PIEZO2: variants seen among roughly 807,000 people sequenced by gnomAD.
PIEZO2 encodes the protein piezo type mechanosensitive ion channel component 2.
In PIEZO2, 172 loss-of-function variants were observed where a neutral mutation model predicts 337.3. That is an observed-to-expected ratio of 0.51 (90% CI 0.45 to 0.58). PIEZO2 has a LOEUF of 0.58. Among genes scored for constraint, PIEZO2 ranks in the 20% least tolerant of loss-of-function variants. The pLI is 0.00. For synonymous variants in PIEZO2, 1,251 were observed against 1,228.5 expected (o/e 1.02, Z -0.38); for missense variants, 3,028 against 3,391.3 (o/e 0.89, Z 2.66).
chr18:10,965,200 A>T (rs1229283156), intron 3 of PIEZO2, among the ~76,000 whole-genome samples: 1 of 152,188 alleles, frequency 6.6e-6, no homozygotes, highest in African/African-American at 2.4e-5. Context: ...AATTTTTTGA[A>T]GAACCACCAA....
rs1249000063 is a variant in PIEZO2 at position 10,787,140 on chromosome 18, C to T, written c.2214G>A (p.Met738Ile). 1.3e-6 allele frequency: 2 copies of T among 1,533,726 alleles called. No homozygotes were observed. The highest frequency in any genetic ancestry group is 1.7e-6 in the Non-Finnish European group (2 of 1,145,706). Residue 738 changes from methionine (M) to isoleucine (I), a missense_variant, in exon 16 of 56, where the codon ATG becomes ATA. Coordinates refer to ENST00000674853, the MANE Select transcript of PIEZO2 (RefSeq NM_001378183.1). ...CCAGCATAGTGTAAATAACCACTGACATCCAAAAATATTTTAGAATTTTCC... is the reference window on the plus strand; with the variant it reads ...CCAGCATAGTGTAAATAACCACTGATATCCAAAAATATTTTAGAATTTTCC... ...WWRKILKYFW[M>I]SVVIYTMLVL...
In PIEZO2 at chr18:10,980,357, T is replaced by TA. The variant is rs200930999; in HGVS notation, c.161-698dup. Among the ~76,000 whole-genome samples the TA allele has an allele frequency of 6.8e-4, 101 of 149,436 alleles. No homozygotes were observed. Among genetic ancestry groups the TA allele is most frequent in the South Asian group, 1.3e-3 (6 of 4,732 alleles). On this transcript the variant is annotated intron_variant, in intron 2 of 55. Coordinates refer to ENST00000674853, the MANE Select transcript of PIEZO2 (RefSeq NM_001378183.1). This position sits in a 1 kb window ranked among gnomAD's most constrained non-coding sequence, Gnocchi z 4.8. ...AACCTAGTTATAATTTTTAAAAACA[T>TA]AAAAAAAAAGGAATGGAAGGAAACA... is the stretch of plus-strand genomic sequence containing the variant.
At chr18:10,704,682 CT>C (rs1310424509) in intron 41 of PIEZO2, 30 bp from the exon 42 acceptor site, 3 of 1,523,128 alleles carry the variant, frequency 2.0e-6, no homozygotes, top group Non-Finnish European at 2.6e-6. Context: ...GATAATATGT[CT>C]ATTTTTTTTC....
chr18:10,711,433 G>A (rs1356651888), intron 39 of PIEZO2, among the ~76,000 whole-genome samples: 3 of 152,100 alleles, frequency 2.0e-5, no homozygotes, highest in Middle Eastern at 6.8e-3. Flanking sequence ...CCTTGAGATT[G>A]TATGAAAAAA....
chr18:10,689,359 G>T (rs971908162), intron 49 of PIEZO2, among the ~76,000 whole-genome samples: 2 of 152,084 alleles, frequency 1.3e-5, no homozygotes, highest in Non-Finnish European at 2.9e-5. Flanking sequence ...ATTCCTTTCT[G>T]CTCCCAAAGG....
rs1020725267 is a variant in PIEZO2 at position 10,962,395 on chromosome 18, A to G, written c.286+17140T>C. The stretch of plus-strand genomic sequence containing the variant: ...GGCATTTTCCTTCCACACTTTCTCA[A>G]TTGTCCCTTAACACTCCTGTGAGGG... On this transcript the variant is annotated intron_variant, in intron 3 of 55. Transcript: ENST00000674853. The surrounding 1 kb of genome is among the most constrained non-coding windows in gnomAD (Gnocchi z 4.1). Among the ~76,000 whole-genome samples, 11 of 151,870 alleles carry G rather than the reference A, an allele frequency of 7.2e-5. No individual in the cohort carries two copies. Among genetic ancestry groups the G allele is most frequent in the Non-Finnish European group, 1.6e-4 (11 of 67,984 alleles).
intron 24 of PIEZO2, among the ~76,000 whole-genome samples, chr18:10,760,163 T>G (rs538497063): frequency 6.6e-6 from 1 of 152,348 alleles, no homozygotes; most frequent in South Asian, 2.1e-4. Context: ...GAACAGCCAT[T>G]TTGATCTCCT....
Position 11,033,783 on chromosome 18 carries a change from G to C in PIEZO2, c.160+32344C>G, listed in dbSNP as rs1454232533. 6.6e-6 allele frequency among the ~76,000 whole-genome samples: 1 copy of C among 152,034 alleles called. No individual in the cohort carries two copies. Among genetic ancestry groups the C allele is most frequent in the Non-Finnish European group, 1.5e-5 (1 of 67,998 alleles). On this transcript the variant is annotated intron_variant, in intron 2 of 55. Coordinates refer to ENST00000674853, the MANE Select transcript of PIEZO2 (RefSeq NM_001378183.1). The surrounding 1 kb of genome is among the most constrained non-coding windows in gnomAD (Gnocchi z 4.2). ...AAAATTTGATTTAAAATTGGTATCC[G>C]ACCGAACAAGCTTGGGATGCTCAAC...
intron 36 of PIEZO2, 60 bp downstream of exon 36, chr18:10,731,347 G>A (rs1598410614): frequency 3.4e-6 from 4 of 1,176,946 alleles, no homozygotes; most frequent in Non-Finnish European, 4.8e-6. Context: ...TGCAGACAAG[G>A]CTGGGGAGCA....
At chr18:10,692,016 T>A (rs1201385143) in intron 47 of PIEZO2, among the ~76,000 whole-genome samples, 1 of 151,904 alleles carries the variant, frequency 6.6e-6, no homozygotes, top group Non-Finnish European at 1.5e-5. Context: ...TGATAATTCT[T>A]CCTAGTTCTG....
chr18:10,852,042 C>G (rs2041569115), intron 7 of PIEZO2, among the ~76,000 whole-genome samples: 1 of 152,124 alleles, frequency 6.6e-6, no homozygotes. Context: ...CTCTAAAAGG[C>G]AGTTCTTTCA....
chr18:10,839,530 T>A (rs2041125433), intron 7 of PIEZO2, among the ~76,000 whole-genome samples: 1 of 152,158 alleles, frequency 6.6e-6, no homozygotes, highest in Non-Finnish European at 1.5e-5. Context: ...GTCAAGCTTT[T>A]CCTCCCATAG....
intron 7 of PIEZO2, among the ~76,000 whole-genome samples, chr18:10,826,975 G>T (rs969433403): frequency 6.6e-6 from 1 of 152,016 alleles, no homozygotes; most frequent in Non-Finnish European, 1.5e-5. Flanking sequence ...TCAAAGGTTG[G>T]ATTTTTCACT....
At chr18:10,725,677 T>C (rs1206146480) in intron 36 of PIEZO2, among the ~76,000 whole-genome samples, 1 of 152,186 alleles carries the variant, frequency 6.6e-6, no homozygotes, top group Non-Finnish European at 1.5e-5. Context: ...CTTCATCTCT[T>C]GGTCCTTTCG....
rs960957235 is a variant in PIEZO2, at chr18:11,038,407, C to T, written c.160+27720G>A. Among the ~76,000 whole-genome samples the T allele has an allele frequency of 6.6e-6, 1 of 152,098 alleles. No homozygotes were observed. Among genetic ancestry groups the T allele is most frequent in the Non-Finnish European group, 1.5e-5 (1 of 68,006 alleles). On this transcript the variant is annotated intron_variant, in intron 2 of 55. Coordinates refer to ENST00000674853, the MANE Select transcript of PIEZO2 (RefSeq NM_001378183.1). The surrounding 1 kb of genome is among the most constrained non-coding windows in gnomAD (Gnocchi z 4.1). ...ACAGGAAATTAAAAGGTAACCATTC[C>T]CATGCCAAGTGTAAGCCGGAGGCCC...
rs565738468 is a variant in PIEZO2 at position 10,888,435 on chromosome 18, T to C, written c.330-17020A>G. 5.4e-4 allele frequency among the ~76,000 whole-genome samples: 82 copies of C among 152,238 alleles called. No individual in the cohort carries two copies. Among genetic ancestry groups the C allele is most frequent in the African/African-American group, 1.9e-3 (81 of 41,542 alleles). On this transcript the variant is annotated intron_variant, in intron 4 of 55. Transcript: ENST00000674853. This position sits in a 1 kb window ranked among gnomAD's most constrained non-coding sequence, Gnocchi z 4.1. ...AGCCTTTCTACTCTCTGGGCTCCAT[T>C]CCTTCAGAAAGCCCTATTTTCTTTT...
chr18:10,936,960 G>A (rs971784496), intron 3 of PIEZO2, among the ~76,000 whole-genome samples: 2 of 152,044 alleles, frequency 1.3e-5, no homozygotes, highest in African/African-American at 4.8e-5. Context: ...CTTCCCTTAC[G>A]GTCCTGGAGA....
intron 7 of PIEZO2, among the ~76,000 whole-genome samples, chr18:10,809,230 A>C (rs1478196761): frequency 6.7e-6 from 1 of 148,746 alleles, no homozygotes; most frequent in Non-Finnish European, 1.5e-5. Context: ...TGCAAATACT[A>C]TAAAACCTAA....
rs942847264 is a variant in PIEZO2 at position 10,899,600 on chromosome 18, C to T, written c.329+11586G>A. 6.6e-6 allele frequency among the ~76,000 whole-genome samples: 1 copy of T among 152,094 alleles called. No homozygotes were observed. The highest frequency in any genetic ancestry group is 1.5e-5 in the Non-Finnish European group (1 of 68,018). On this transcript the variant is annotated intron_variant, in intron 4 of 55. Transcript: ENST00000674853. This position sits in a 1 kb window ranked among gnomAD's most constrained non-coding sequence, Gnocchi z 4.6. ...TGCAGAACAAATAAGAAATATGAAG[C>T]CTTCTCTTGTAGCTGCCTATTAGCA...
Sources: allele counts gnomAD v4.1 joint callset (sites outside exome capture counted in the v4.1 genomes callset), GRCh38; gene constraint gnomAD v4.1.1; non-coding constraint Gnocchi (gnomAD v3.1); transcripts MANE v1.5; gene names NCBI Gene and HGNC (gene_info 2026-07-23, HGNC 2026-07-21).